MYBBP1A: variants seen among roughly 807,000 people sequenced by gnomAD.
MYBBP1A encodes the protein myb-binding protein 1A.
MYBBP1A carries 147 observed loss-of-function variants against 136.3 expected under a neutral mutation model. That is an observed-to-expected ratio of 1.08 (90% confidence interval 0.94 to 1.24). The LOEUF is 1.24. Ranked by LOEUF, MYBBP1A falls within the 50% of genes most tolerant of loss-of-function variation. MYBBP1A has a pLI of 0.00. For synonymous variants in MYBBP1A, 947 were observed against 735.8 expected, an observed-to-expected ratio of 1.29 and a Z score of -4.65; for missense variants, 2,060 against 1,727.4, an observed-to-expected ratio of 1.19 and a Z score of -3.41.
chr17:4,545,375 T>G (rs746609619), intron 15 of MYBBP1A, 30 bp from the exon 16 acceptor site: 5 of 1,610,206 alleles, frequency 3.1e-6, no homozygotes, highest in Non-Finnish European at 3.4e-6. Flanking sequence ...ACTGACCCAT[T>G]TGCAGCCCCC....
In MYBBP1A at chr17:4,542,898, C is replaced by T; in HGVS notation, c.2892+15G>A. 6.2e-7 allele frequency: 1 copy of T among 1,613,252 alleles called. No homozygotes were observed. Among genetic ancestry groups the T allele is most frequent in the Non-Finnish European group, 8.5e-7 (1 of 1,179,706 alleles). ...TGAAATGCCTGGGGCTGCTCCTGGG[C>T]CAGGCCCTGCTCACCTGCGGGCCCG... On this transcript the variant is annotated intron_variant, in intron 20 of 25. Transcript: ENST00000254718.
In MYBBP1A at chr17:4,541,888, A is replaced by G; in HGVS notation, c.3091T>C (p.Cys1031Arg). ...GACAGGGTCTTCTGGAGCAGCAGGC[A>G]GGCCTGTGGGTGGGCAAAGGTGGGT... is the stretch of plus-strand genomic sequence containing the variant. ...TGPVRPRHQA[C>R]LLLQKTLSMR... Residue 1031 changes from cysteine (C) to arginine (R), a missense_variant, in exon 23 of 26, where the codon TGC becomes CGC. Cys to Arg is a radical substitution (Grantham distance 180). Coordinates refer to ENST00000254718, the MANE Select transcript of MYBBP1A (RefSeq NM_014520.4). The G allele has an allele frequency of 6.2e-7, 1 of 1,613,120 alleles. No homozygotes were observed. Among genetic ancestry groups the G allele is most frequent in the Non-Finnish European group, 8.5e-7 (1 of 1,179,696 alleles).
Position 4,551,962 on chromosome 17 carries a change from G to A in MYBBP1A, c.941C>T (p.Pro314Leu). Residue 314 changes from proline to leucine, a missense_variant, in exon 8 of 26, where the codon CCC (proline) becomes CTC (leucine). Coordinates refer to ENST00000254718, the MANE Select transcript of MYBBP1A (RefSeq NM_014520.4). ...GTGCAGCTGCTCCTTGGTCAGCAGG[G>A]GCAGGGCCGCGCCCAGCAGGCGGAA... ...LCFRLLGAAL[P>L]LLTKEQLHLV... The A allele has an allele frequency of 2.5e-6, 4 of 1,612,310 alleles. No homozygotes were observed. The highest frequency in any genetic ancestry group is 3.4e-6 in the Non-Finnish European group (4 of 1,178,940).
In MYBBP1A at chr17:4,541,808, G is replaced by T; in HGVS notation, c.3171C>A (p.Gly1057=). 1 of 1,614,054 alleles carries T rather than the reference G, an allele frequency of 6.2e-7. No homozygotes were observed. The highest frequency in any genetic ancestry group is 1.1e-5 in the South Asian group (1 of 91,078). The change falls in exon 23 of 26, where the codon GGC becomes GGA. Residue 1057 remains glycine, a synonymous_variant. Transcript: ENST00000254718. ...CCTCGGTGACCTTTGCTAGGACCTG[G>T]CCCATCAGCTGCTTCCACTCGGGGT... ...FEDPEWKQLM[G]QVLAKVTENL...
rs200079143 is a variant in MYBBP1A at position 4,548,134 on chromosome 17, C to G, written c.1724+9G>C. The stretch of plus-strand genomic sequence containing the variant: ...TCCTGCCCACCCCCTGGAAATCCCA[C>G]GTGCTCACCGGTCCCAGGCCTGGCG... On this transcript the variant is annotated intron_variant, in intron 12 of 25. Transcript: ENST00000254718. This position sits in a 1 kb window ranked among gnomAD's most constrained non-coding sequence, Gnocchi z 4.2. 2 of 1,604,254 alleles carry G rather than the reference C, an allele frequency of 1.2e-6. No individual in the cohort carries two copies. Among genetic ancestry groups the G allele is most frequent in the Non-Finnish European group, 1.7e-6 (2 of 1,179,768 alleles).
At chr17:4,542,184 A>T in intron 22 of MYBBP1A, 2 of 584,676 alleles carry the variant, frequency 3.4e-6, no homozygotes, top group Non-Finnish European at 6.0e-6. Flanking sequence ...CAGAGCAGAC[A>T]CTACCAGGGG....
intron 17 of MYBBP1A, 27 bp downstream of exon 17, chr17:4,544,999 G>GCCCCCCCCCCCCCCCCCCCCCCCCCC: frequency 8.0e-6 from 4 of 498,358 alleles, no homozygotes; most frequent in Non-Finnish European, 1.1e-5. Context: ...CTCCCCGGCC[G>GCCCCCCCCCCCCCCCCCCCCCCCCCC]CCCCCCCCTC....
chr17:4,545,037 C>T lies in MYBBP1A; in HGVS notation c.2299G>A (p.Gly767Arg). The T allele has an allele frequency of 6.5e-7, 1 of 1,541,740 alleles. No homozygotes were observed. Among genetic ancestry groups the T allele is most frequent in the South Asian group, 1.2e-5 (1 of 83,784 alleles). ...REQLMTVLQA[G>R]KALGGEDSEN... ...CCTCCCCCACTCACCAGCGCCTTCCCAGCCTGCAGCACGGTCATCAGCTGT... is the reference window on the plus strand; with the variant it reads ...CCTCCCCCACTCACCAGCGCCTTCCTAGCCTGCAGCACGGTCATCAGCTGT... The change falls in exon 17 of 26, where the codon GGG becomes AGG. Residue 767 changes from glycine (G) to arginine (R), a missense_variant. By Grantham distance (125) the Gly-to-Arg change is moderately radical (BLOSUM62 -2). Coordinates refer to ENST00000254718, the MANE Select transcript of MYBBP1A (RefSeq NM_014520.4).
Position 4,554,252 on chromosome 17 carries a change from G to A in MYBBP1A, c.321C>T (p.Pro107=), listed in dbSNP as rs755155732. The change falls in exon 3 of 26, where the codon CCC becomes CCT. Residue 107 remains proline (P), a synonymous_variant. Transcript: ENST00000254718. ...GTATCTGCTGCAGGATGCTGCACAAGGGGAGGTCTTCAAAAGACTGTAACA... is the reference window on the plus strand; with the variant it reads ...GTATCTGCTGCAGGATGCTGCACAAAGGGAGGTCTTCAAAAGACTGTAACA... ...AQLLQSFEDL[P]LCSILQQIQE... 4 of 1,614,062 alleles carry A rather than the reference G, an allele frequency of 2.5e-6. No individual in the cohort carries two copies. The highest frequency in any genetic ancestry group is 1.7e-5 in the Admixed American group (1 of 60,012).
chr17:4,550,471 C>T lies in MYBBP1A; in HGVS notation c.1024-118G>A, dbSNP rs376904140. ...AACAGCCCAACAGCCCGGGGGCAGG[C>T]GGGCAACAGCCCACCAGGCTTGTGC... On this transcript the variant is annotated intron_variant, in intron 8 of 25. Transcript: ENST00000254718. The T allele has an allele frequency of 1.8e-3, 2,090 of 1,139,384 alleles. 28 individuals are homozygous for T. In the African/African-American group the frequency reaches 0.028, roughly 15 times the overall value. The allele number at this position is 1,139,384 out of a possible 1,614,324, so 70.6% of individuals were successfully genotyped here.
chr17:4,554,550 A>T (rs1242541008), intron 2 of MYBBP1A, among the ~76,000 whole-genome samples: 3 of 152,100 alleles, frequency 2.0e-5, no homozygotes, highest in African/African-American at 7.2e-5. Flanking sequence ...CGCCTCAGAG[A>T]GTGGTCTACT....
rs768971049 is a variant in MYBBP1A, at chr17:4,540,457, G to A, written c.3325C>T (p.Leu1109=). Residue 1109 remains leucine (L), a synonymous_variant, in exon 25 of 26, where the codon CTG becomes TTG. Coordinates refer to ENST00000254718, the MANE Select transcript of MYBBP1A (RefSeq NM_014520.4). ...EKLTLDLTVL[L]GVLQGQQQSL... is the part of the protein sequence containing the mutation. Reference sequence around the variant, plus strand: ...TGCTGTTGCCCCTGCAGCACACCCAGGAGCACCGTCAGGTCCAAGGTCAGC... The same window carrying A: ...TGCTGTTGCCCCTGCAGCACACCCAAGAGCACCGTCAGGTCCAAGGTCAGC... The A allele has an allele frequency of 1.4e-5, 22 of 1,610,492 alleles. No individual in the cohort carries two copies. In the South Asian group the frequency reaches 2.4e-4, roughly 18 times the overall value.
At chr17:4,553,507 A>AG (rs1907719017) in intron 5 of MYBBP1A, among the ~76,000 whole-genome samples, 1 of 152,262 alleles carries the variant, frequency 6.6e-6, no homozygotes, top group Non-Finnish European at 1.5e-5. Flanking sequence ...GGTGTGCCTA[A>AG]GTGTAACATA....
At chr17:4,547,624 G>C (rs1379207020) in intron 13 of MYBBP1A, 1 of 267,138 alleles carries the variant, frequency 3.7e-6, no homozygotes, top group African/African-American at 2.2e-5. Context: ...GGGAGAGCCC[G>C]TTGCCAGAAG....
rs778747499 is a variant in MYBBP1A at position 4,542,963 on chromosome 17, C to T, written c.2842G>A (p.Glu948Lys). The change falls in exon 20 of 26, where the codon GAG becomes AAG. Residue 948 changes from glutamate to lysine, a missense_variant. By Grantham distance (56) the Glu-to-Lys change is moderately conservative (BLOSUM62 1). Transcript: ENST00000254718. ...GGGTCAGTGCCAGCTTTCTGCTTCTCCTGTGTCTCATGCACGCAGCCCTCA... is the reference window on the plus strand; with the variant it reads ...GGGTCAGTGCCAGCTTTCTGCTTCTTCTGTGTCTCATGCACGCAGCCCTCA... ...TAEGCVHETQ[E>K]KQKAGTDPSH... The T allele has an allele frequency of 3.7e-6, 6 of 1,613,968 alleles. No homozygotes were observed. The highest frequency in any genetic ancestry group is 1.7e-5 in the Admixed American group (1 of 60,010).
chr17:4,544,420 T>C, intron 19 of MYBBP1A, 69 bp downstream of exon 19: 5 of 1,528,640 alleles, frequency 3.3e-6, no homozygotes, highest in Non-Finnish European at 4.4e-6. Context: ...ACAGCAAGCC[T>C]AGAGCTCTGG....
At chr17:4,544,443 T>C in intron 19 of MYBBP1A, 46 bp downstream of exon 19, 1 of 1,539,648 alleles carries the variant, frequency 6.5e-7, no homozygotes, top group East Asian at 2.4e-5. Flanking sequence ...CTCCTGCGCC[T>C]GGGGGCTGCC....
chr17:4,544,912 C>A lies in MYBBP1A; in HGVS notation c.2320G>T (p.Asp774Tyr). ...LQAGKALGGEDSENEEELGDE... is the reference protein window; with the variant it reads ...LQAGKALGGEYSENEEELGDE... ...CCCAGCTCCTCCTCGTTCTCACTGT[C>A]CTCTCCACCCTGAGGGACAGAGGCC... The change falls in exon 18 of 26, where the codon GAC becomes TAC. Residue 774 changes from aspartate to tyrosine, a missense_variant. Physicochemically the swap from Asp to Tyr is radical, Grantham distance 160. Transcript: ENST00000254718. 2 of 1,599,780 alleles carry A rather than the reference C, an allele frequency of 1.3e-6. No homozygotes were observed. The highest frequency in any genetic ancestry group is 2.2e-5 in the East Asian group (1 of 44,542).
chr17:4,540,044 T>A, intron 25 of MYBBP1A, 77 bp from the exon 26 acceptor site: 2 of 1,498,824 alleles, frequency 1.3e-6, no homozygotes, highest in Non-Finnish European at 1.8e-6. Context: ...TACCTCCACC[T>A]GGATTCTGAG....
Sources: allele counts gnomAD v4.1 joint callset (sites outside exome capture counted in the v4.1 genomes callset), GRCh38; gene constraint gnomAD v4.1.1; non-coding constraint Gnocchi (gnomAD v3.1); transcripts MANE v1.5; gene names NCBI Gene and HGNC (gene_info 2026-07-23, HGNC 2026-07-21).